PLSCR2: variants seen among roughly 807,000 people sequenced by gnomAD.
PLSCR2 encodes the protein phospholipid scramblase 2, also known as PL scramblase 2.
PLSCR2 carries 18 observed loss-of-function variants against 25.3 expected under a neutral mutation model. The ratio of observed to expected loss-of-function variants is 0.71; its 90% CI spans 0.49 to 1.06. The LOEUF (loss-of-function observed/expected upper bound fraction) is 1.06. Among genes scored for constraint, PLSCR2 ranks in the 50% least tolerant of loss-of-function variants. The probability of loss-of-function intolerance (pLI) is 0.00; values close to 1 mark genes in which losing one functional copy is unlikely to be tolerated. For missense variants in PLSCR2, 243 were observed against 269.5 expected (o/e 0.90, Z 0.69); for synonymous variants, 88 against 87.3 (o/e 1.01, Z -0.04).
chr3:146,405,077 G>A (rs2038618798), intron 2 of PLSCR2, among the ~76,000 whole-genome samples: 1 of 151,970 alleles, frequency 6.6e-6, no homozygotes, highest in Non-Finnish European at 1.5e-5. Flanking sequence ...TTTAGCTGGC[G>A]GCCAAGAGAA....
intron 2 of PLSCR2, among the ~76,000 whole-genome samples, chr3:146,402,024 T>C (rs1456035182): frequency 6.6e-6 from 1 of 151,876 alleles, no homozygotes; most frequent in Non-Finnish European, 1.5e-5. Flanking sequence ...TGCAAGCAAA[T>C]AAGAATATTA....
intron 2 of PLSCR2, among the ~76,000 whole-genome samples, chr3:146,410,660 G>A (rs950369866): frequency 5.9e-5 from 9 of 152,178 alleles, no homozygotes; most frequent in African/African-American, 2.2e-4. Flanking sequence ...CAGTACCAAC[G>A]TCTTGACATG....
In PLSCR2 at chr3:146,458,400, T is replaced by C. The variant is rs2041348185; in HGVS notation, c.100+11A>G. The C allele has an allele frequency of 6.7e-7, 1 of 1,502,678 alleles. No homozygotes were observed. The highest frequency in any genetic ancestry group is 9.0e-7 in the Non-Finnish European group (1 of 1,106,292). The allele number at this position is 1,502,678 out of a possible 1,614,324, so 93.1% of individuals were successfully genotyped here. On this transcript the variant is annotated intron_variant, in intron 3 of 6. Transcript: ENST00000610787. ...CTTTTTAGAACTATGAGCAATACAA[T>C]TAATACATACCTTCCAGAAGTTCAA...
upstream of PLSCR2, among the ~76,000 whole-genome samples, chr3:146,462,648 G>C (rs1163191459): frequency 6.6e-6 from 1 of 151,520 alleles, no homozygotes; most frequent in Non-Finnish European, 1.5e-5. Context: ...GTATTTTTTA[G>C]TAGAGACGGG....
upstream of PLSCR2, chr3:146,461,963 A>G: frequency 7.2e-7 from 1 of 1,381,068 alleles, no homozygotes; most frequent in Non-Finnish European, 9.6e-7. Flanking sequence ...TAAGCTAAAA[A>G]AAAAAATGAC....
At chr3:146,447,576 G>A (rs139945343) in intron 6 of PLSCR2, among the ~76,000 whole-genome samples, 5 of 152,112 alleles carry the variant, frequency 3.3e-5, no homozygotes, top group African/African-American at 1.2e-4. Context: ...CAAGTTGCAA[G>A]AAAAAGACCT....
chr3:146,407,879 CA>C (rs1168685018), intron 2 of PLSCR2, among the ~76,000 whole-genome samples: 30 of 152,270 alleles, frequency 2.0e-4, no homozygotes, highest in Admixed American at 2.0e-3. Flanking sequence ...AACACAGTGG[CA>C]TCCACCTTCT....
At chr3:146,420,917 T>C (rs750110179) in intron 2 of PLSCR2, among the ~76,000 whole-genome samples, 1 of 152,080 alleles carries the variant, frequency 6.6e-6, no homozygotes, top group Non-Finnish European at 1.5e-5. Context: ...TTATAGATTA[T>C]TCCTAGTTCA....
chr3:146,487,173 A>G (rs375364557), intron 1 of PLSCR2, among the ~76,000 whole-genome samples: 2 of 152,244 alleles, frequency 1.3e-5, no homozygotes, highest in South Asian at 2.1e-4. Context: ...TCTCAAAATA[A>G]TAAGAGCCAT....
chr3:146,415,827 A>G (rs1244235348), intron 2 of PLSCR2, among the ~76,000 whole-genome samples: 7 of 152,228 alleles, frequency 4.6e-5, no homozygotes, highest in Non-Finnish European at 7.3e-5. Context: ...TTTATATTTT[A>G]CATTTTCATA....
intron 2 of PLSCR2, among the ~76,000 whole-genome samples, chr3:146,407,300 C>T (rs914581386): frequency 3.9e-5 from 6 of 152,042 alleles, no homozygotes; most frequent in Admixed American, 6.5e-5. Context: ...CAGCCTATGT[C>T]GAGGGATGAT....
intron 6 of PLSCR2, among the ~76,000 whole-genome samples, chr3:146,446,679 G>T (rs1177614366): frequency 1.3e-5 from 2 of 152,132 alleles, no homozygotes; most frequent in East Asian, 3.9e-4. Context: ...GTTCACTCAA[G>T]TCCCAAGAGC....
At chr3:146,419,943 T>G (rs1251281946) in intron 2 of PLSCR2, among the ~76,000 whole-genome samples, 1 of 152,072 alleles carries the variant, frequency 6.6e-6, no homozygotes, top group Non-Finnish European at 1.5e-5. Context: ...GGATTGTGAT[T>G]TGCACATCCT....
chr3:146,486,624 A>G (rs2043353679), intron 1 of PLSCR2, among the ~76,000 whole-genome samples: 1 of 152,140 alleles, frequency 6.6e-6, no homozygotes, highest in Non-Finnish European at 1.5e-5. Context: ...AACCAGGAAG[A>G]AGTTGAATCC....
chr3:146,437,549 T>C (rs1441229281), downstream of PLSCR2, among the ~76,000 whole-genome samples: 3 of 152,212 alleles, frequency 2.0e-5, no homozygotes, highest in African/African-American at 7.2e-5. Flanking sequence ...GATTTTCTAG[T>C]TTATTTGCAT....
At chr3:146,477,608 C>T (rs922555095) in intron 1 of PLSCR2, among the ~76,000 whole-genome samples, 1 of 152,226 alleles carries the variant, frequency 6.6e-6, no homozygotes, top group African/African-American at 2.4e-5. Context: ...GAGCCCACCA[C>T]AGCTCAGCAA....
intron 5 of PLSCR2, among the ~76,000 whole-genome samples, chr3:146,451,054 T>C (rs535515863): frequency 7.8e-4 from 117 of 150,344 alleles, no homozygotes; most frequent in Middle Eastern, 3.5e-3. Flanking sequence ...CTTCAACCTC[T>C]GGAAATAATA....
intron 2 of PLSCR2, among the ~76,000 whole-genome samples, chr3:146,418,107 C>T (rs1456177146): frequency 1.3e-5 from 2 of 152,082 alleles, no homozygotes; most frequent in Non-Finnish European, 2.9e-5. Context: ...TCTAAAGATC[C>T]TTAATGCAAT....
rs2041134733 is a variant in PLSCR2, at chr3:146,455,218, CT to C, written c.321+20del. The C allele has an allele frequency of 1.3e-6, 2 of 1,501,288 alleles. No individual in the cohort carries two copies. The highest frequency in any genetic ancestry group is 2.3e-5 in the South Asian group (2 of 88,614). 93.0% of individuals were successfully genotyped at this position (1,501,288 alleles called of 1,614,324 possible). A position where few individuals can be genotyped will look rare whatever the true frequency, so the allele number is the denominator to read the frequency against. Reference sequence around the variant, plus strand: ...CCTTGCTGAACTACTTTATGAAAAGCTCTAGTAATTGCTCACATACCTCCTG... The same window carrying C: ...CCTTGCTGAACTACTTTATGAAAAGCCTAGTAATTGCTCACATACCTCCTG... On this transcript the variant is annotated intron_variant, in intron 4 of 6. Transcript: ENST00000610787.
Sources: allele counts gnomAD v4.1 joint callset (sites outside exome capture counted in the v4.1 genomes callset), GRCh38; gene constraint gnomAD v4.1.1; transcripts MANE v1.5; gene names NCBI Gene and HGNC (gene_info 2026-07-23, HGNC 2026-07-21).